FRAS1: variants seen among roughly 807,000 people sequenced by gnomAD.
FRAS1 encodes extracellular matrix organizing protein FRAS1.
FRAS1 carries 290 observed loss-of-function variants against 435.2 expected under a neutral mutation model. The observed-to-expected ratio is 0.67, with a 90% confidence interval of 0.61 to 0.73. FRAS1 has a LOEUF of 0.73. Among genes scored for constraint, FRAS1 ranks in the 30% least tolerant of loss-of-function variants. The pLI, the probability that FRAS1 is intolerant of heterozygous loss-of-function variation, is 0.00. For synonymous variants in FRAS1, 1,800 were observed against 1,851.0 expected (o/e 0.97, Z 0.71); for missense variants, 4,860 against 5,001.5 (o/e 0.97, Z 0.85).
In FRAS1 at chr4:78,488,960, C is replaced by T. The variant is rs760539312; in HGVS notation, c.8838C>T (p.Asp2946=). 1.9e-6 allele frequency: 3 copies of T among 1,613,614 alleles called. No individual in the cohort carries two copies. The South Asian group carries it at 3.3e-5, about 18-fold the overall frequency. The change falls in exon 59 of 74, where the codon GAC becomes GAT. Residue 2946 remains aspartate, a synonymous_variant. Coordinates refer to ENST00000512123, the MANE Select transcript of FRAS1 (RefSeq NM_025074.7). Reference sequence around the variant, plus strand: ...ATGTCCCTATCACTCGGAGCGGAGACCTGAGCTATGAGTCATCAGTGAGGT... The same window carrying T: ...ATGTCCCTATCACTCGGAGCGGAGATCTGAGCTATGAGTCATCAGTGAGGT... The part of the protein sequence containing the change: ...VLHVPITRSG[D]LSYESSVRCY...
At chr4:78,431,435 A>G (rs1306978033) in intron 37 of FRAS1, among the ~76,000 whole-genome samples, 2 of 152,232 alleles carry the variant, frequency 1.3e-5, no homozygotes, top group African/African-American at 2.4e-5. Flanking sequence ...TTTCATAGGC[A>G]TAATGCCACG....
intron 35 of FRAS1, among the ~76,000 whole-genome samples, chr4:78,424,997 A>G (rs1472010288): frequency 2.0e-5 from 3 of 151,996 alleles, no homozygotes. Context: ...AAGAGTTAAT[A>G]GTAACTAAGA....
intron 30 of FRAS1, among the ~76,000 whole-genome samples, chr4:78,404,940 G>A (rs1301263065): frequency 1.3e-5 from 2 of 152,128 alleles, no homozygotes; most frequent in African/African-American, 2.4e-5. Flanking sequence ...TTCACCTACT[G>A]GAAAACTAAC....
chr4:78,512,582 T>C (rs1172416074), intron 64 of FRAS1, among the ~76,000 whole-genome samples: 1 of 152,274 alleles, frequency 6.6e-6, no homozygotes, highest in East Asian at 1.9e-4. Context: ...AACTCATTTC[T>C]TATTTAGAAT....
chr4:78,189,644 C>T (rs1560571413), intron 2 of FRAS1, among the ~76,000 whole-genome samples: 1 of 152,324 alleles, frequency 6.6e-6, no homozygotes, highest in East Asian at 1.9e-4. Context: ...TCATTCGGCT[C>T]TATGGTTCAA....
intron 47 of FRAS1, among the ~76,000 whole-genome samples, chr4:78,462,713 C>T (rs1417240542): frequency 1.3e-5 from 2 of 152,108 alleles, no homozygotes; most frequent in African/African-American, 4.8e-5. Flanking sequence ...AGCCAAAAGA[C>T]AAAGCTATAA....
intron 2 of FRAS1, among the ~76,000 whole-genome samples, chr4:78,161,967 A>G (rs1054131503): frequency 6.6e-6 from 1 of 152,168 alleles, no homozygotes; most frequent in Middle Eastern, 3.4e-3. Context: ...TGCCTTCCAT[A>G]AATAAATTTG....
intron 30 of FRAS1, among the ~76,000 whole-genome samples, chr4:78,406,558 G>T (rs1733102979): frequency 6.6e-6 from 1 of 152,098 alleles, no homozygotes. Flanking sequence ...GGAAAGACCG[G>T]CCCCTATGAT....
intron 38 of FRAS1, among the ~76,000 whole-genome samples, chr4:78,437,058 A>C (rs915986429): frequency 6.6e-6 from 1 of 152,204 alleles, no homozygotes; most frequent in Non-Finnish European, 1.5e-5. Context: ...AGTATCTGGG[A>C]TATCTTAAAA....
At chr4:78,180,307 T>C (rs1721944004) in intron 2 of FRAS1, among the ~76,000 whole-genome samples, 1 of 152,188 alleles carries the variant, frequency 6.6e-6, no homozygotes, top group Non-Finnish European at 1.5e-5. Flanking sequence ...AAAAAGATTT[T>C]TCCCCAAAAA....
At chr4:78,074,095 C>T (rs1740507543) in intron 2 of FRAS1, among the ~76,000 whole-genome samples, 1 of 148,638 alleles carries the variant, frequency 6.7e-6, no homozygotes, top group Non-Finnish European at 1.5e-5. Flanking sequence ...TCTTTTCTGA[C>T]AGCTCCCAAG....
intron 1 of FRAS1, among the ~76,000 whole-genome samples, chr4:78,061,211 G>T (rs569756846): frequency 6.6e-6 from 1 of 152,308 alleles, no homozygotes; most frequent in Non-Finnish European, 1.5e-5. Flanking sequence ...TATTGGCAGT[G>T]TTATTTTATA....
At chr4:78,247,678 A>G (rs1377884797) in intron 4 of FRAS1, among the ~76,000 whole-genome samples, 1 of 152,092 alleles carries the variant, frequency 6.6e-6, no homozygotes, top group African/African-American at 2.4e-5. Context: ...TGACTCTTGT[A>G]GCATTTCCTT....
intron 41 of FRAS1, among the ~76,000 whole-genome samples, chr4:78,445,115 T>C (rs1467082009): frequency 1.3e-5 from 2 of 152,250 alleles, no homozygotes; most frequent in Admixed American, 1.3e-4. Context: ...ATGCAGGATA[T>C]GCCAGATAGA....
In FRAS1 at chr4:78,470,047, G is replaced by T; in HGVS notation, c.7327G>T (p.Val2443Phe). 1 of 1,613,652 alleles carries T rather than the reference G, an allele frequency of 6.2e-7. No individual in the cohort carries two copies. The highest frequency in any genetic ancestry group is 8.5e-7 in the Non-Finnish European group (1 of 1,179,752). The change falls in exon 51 of 74, where the codon GTC becomes TTC. Residue 2443 changes from valine to phenylalanine, a missense_variant. Coordinates refer to ENST00000512123, the MANE Select transcript of FRAS1 (RefSeq NM_025074.7). ...LPVDDGTPRIVTNLGLQWLEY... is the reference protein window; with the variant it reads ...LPVDDGTPRIFTNLGLQWLEY... The stretch of plus-strand genomic sequence containing the variant: ...GGTAGATGATGGCACGCCTAGAATT[G>T]TCACCAACCTGGGACTCCAGTGGCT...
At position 78,475,419 on chromosome 4, in the gene FRAS1, C is replaced by G; in HGVS notation, c.7683-19C>G. ...ACCATGGGGCATAGTTTAAGAGATGCCTTTTTGTGTGCTTCCAGCTACAAT... is the reference window on the plus strand; with the variant it reads ...ACCATGGGGCATAGTTTAAGAGATGGCTTTTTGTGTGCTTCCAGCTACAAT... On this transcript the variant is annotated intron_variant, in intron 53 of 73. Coordinates refer to ENST00000512123, the MANE Select transcript of FRAS1 (RefSeq NM_025074.7). 6.2e-7 allele frequency: 1 copy of G among 1,613,692 alleles called. No homozygotes were observed. The highest frequency in any genetic ancestry group is 8.5e-7 in the Non-Finnish European group (1 of 1,179,676).
intron 2 of FRAS1, among the ~76,000 whole-genome samples, chr4:78,228,813 TCTAAGGACAAGTCA>T (rs1724385578): frequency 6.6e-6 from 1 of 152,204 alleles, no homozygotes; most frequent in Admixed American, 6.6e-5. Flanking sequence ...TCGAGTACTT[TCTAAGGACAAGTCA>T]CTGTGGTAAT....
intron 2 of FRAS1, among the ~76,000 whole-genome samples, chr4:78,219,401 C>T (rs2110094646): frequency 6.6e-6 from 1 of 152,194 alleles, no homozygotes; most frequent in African/African-American, 2.4e-5. Context: ...TGCTTATAAA[C>T]AGTGGAAGTA....
intron 26 of FRAS1, among the ~76,000 whole-genome samples, chr4:78,378,291 T>A (rs1002686602): frequency 6.6e-6 from 1 of 152,190 alleles, no homozygotes; most frequent in Admixed American, 6.5e-5. Context: ...ATATTACATT[T>A]TGTGACATAC....
Sources: gnomAD v4.1 joint callset for allele counts (sites outside exome capture counted in the v4.1 genomes callset) on GRCh38, gnomAD v4.1.1 for gene constraint, MANE v1.5 for transcripts, NCBI Gene and HGNC (gene_info 2026-07-23, HGNC 2026-07-21) for gene names.